Variants in NOS1 observed in about 807,000 individuals in gnomAD.
NOS1 encodes nitric oxide synthase 1.
NOS1 carries 51 observed loss-of-function variants against 164.5 expected under a neutral mutation model. The ratio of observed to expected loss-of-function variants is 0.31; its 90% confidence interval spans 0.25 to 0.39. NOS1 has a LOEUF of 0.39. NOS1 is among the 10% of genes least tolerant of loss of function. The pLI, the probability that NOS1 is intolerant of heterozygous loss-of-function variation, is 1.00. For synonymous variants in NOS1, 719 were observed against 745.8 expected, an observed-to-expected ratio of 0.96 and a Z score of 0.59; for missense variants, 1,362 against 1,885.6, an observed-to-expected ratio of 0.72 and a Z score of 5.14.
rs1334559785 is a variant in NOS1, at chr12:117,330,192, AGG to A, written c.725+151_725+152del. ...TGAATGTAATTTTAAGTGAAGATCA[AGG>A]GGGCCGTCAAGTGGTTATGCAAAAA... On this transcript the variant is annotated intron_variant, in intron 2 of 28. Coordinates refer to ENST00000317775, the MANE Select transcript of NOS1 (RefSeq NM_000620.5). The surrounding 1 kb of genome is among the most constrained non-coding windows in gnomAD (Gnocchi z 4.6). Among the ~76,000 whole-genome samples the A allele has an allele frequency of 6.6e-6, 1 of 151,856 alleles. No individual in the cohort carries two copies. The highest frequency in any genetic ancestry group is 1.5e-5 in the Non-Finnish European group (1 of 67,950).
chr12:117,313,270 T>C (rs1001213066), intron 2 of NOS1, among the ~76,000 whole-genome samples: 1 of 152,196 alleles, frequency 6.6e-6, no homozygotes, highest in Non-Finnish European at 1.5e-5. Flanking sequence ...TGATGGTGGA[T>C]TCAAACCCAG....
At chr12:117,347,543 C>T (rs1876411519) in intron 1 of NOS1, among the ~76,000 whole-genome samples, 1 of 152,140 alleles carries the variant, frequency 6.6e-6, no homozygotes, top group African/African-American at 2.4e-5. Context: ...AAGTATTTCA[C>T]TATAGGCCTT....
chr12:117,318,810 G>A (rs1874783268), intron 2 of NOS1, among the ~76,000 whole-genome samples: 1 of 152,208 alleles, frequency 6.6e-6, no homozygotes, highest in South Asian at 2.1e-4. Context: ...AGCAGCTGGT[G>A]CTGGCAGGAG....
chr12:117,295,421 A>T (rs529344596), intron 3 of NOS1, among the ~76,000 whole-genome samples: 225 of 152,294 alleles, frequency 1.5e-3, no homozygotes, highest in African/African-American at 5.0e-3. Flanking sequence ...GGCAGCTTTG[A>T]CATGACAATG....
At chr12:117,309,322 A>G in intron 3 of NOS1, 1 of 985,178 alleles carries the variant, frequency 1.0e-6, no homozygotes, top group Non-Finnish European at 1.2e-6. Context: ...CCTACCACAG[A>G]ATCCCTGATG....
intron 27 of NOS1, among the ~76,000 whole-genome samples, chr12:117,218,872 A>T (rs548972195): frequency 6.6e-6 from 1 of 152,250 alleles, no homozygotes; most frequent in East Asian, 1.9e-4. Context: ...CTCAATGCTG[A>T]AGAAGGGCAG....
intron 3 of NOS1, among the ~76,000 whole-genome samples, chr12:117,308,343 C>T (rs7306231): frequency 0.015 from 2,262 of 152,022 alleles, 52 homozygotes; most frequent in African/African-American, 0.051. Flanking sequence ...CCCGTTTCTA[C>T]AAAAAAATAT....
intron 2 of NOS1, among the ~76,000 whole-genome samples, chr12:117,321,527 C>T (rs148089616): frequency 6.6e-6 from 1 of 152,178 alleles, no homozygotes; most frequent in African/African-American, 2.4e-5. Flanking sequence ...TGGGTACCCA[C>T]CTGGCAAGAC....
chr12:117,247,580 T>A, intron 17 of NOS1, 58 bp from the exon 18 acceptor site: 1 of 1,489,354 alleles, frequency 6.7e-7, no homozygotes, highest in Non-Finnish European at 9.1e-7. Flanking sequence ...GTGGGGAGTG[T>A]CTGGTGTAAT....
chr12:117,335,748 G>GAGAGAGAGAA (rs1555261710), intron 1 of NOS1, among the ~76,000 whole-genome samples: 3 of 148,456 alleles, frequency 2.0e-5, no homozygotes, highest in Non-Finnish European at 3.0e-5. Context: ...GAGAGAGAGA[G>GAGAGAGAGAA]AGAGAGAGAG....
chr12:117,316,471 G>C (rs1050028209), intron 2 of NOS1, among the ~76,000 whole-genome samples: 4 of 152,102 alleles, frequency 2.6e-5, no homozygotes, highest in Non-Finnish European at 5.9e-5. Flanking sequence ...CCTCTGCTGA[G>C]AGCCAACTCC....
At chr12:117,271,216 C>T (rs954278144) in intron 10 of NOS1, among the ~76,000 whole-genome samples, 2 of 152,076 alleles carry the variant, frequency 1.3e-5, no homozygotes, top group Non-Finnish European at 2.9e-5. Flanking sequence ...CCCCAGATAC[C>T]CTCCGATGTG....
chr12:117,312,237 T>A (rs1375251877), intron 2 of NOS1, among the ~76,000 whole-genome samples: 1 of 152,214 alleles, frequency 6.6e-6, no homozygotes, highest in Non-Finnish European at 1.5e-5. Flanking sequence ...TAAAAAATAT[T>A]ATTTTATCTA....
chr12:117,255,232 A>G (rs2650163), intron 16 of NOS1, among the ~76,000 whole-genome samples: 36,883 of 152,092 alleles, frequency 0.24, 7,918 homozygotes, highest in African/African-American at 0.58. Flanking sequence ...TCCTCCAAAA[A>G]TGGTAAGTTG....
chr12:117,270,663 T>A (rs1333390141), intron 10 of NOS1, among the ~76,000 whole-genome samples: 1 of 151,950 alleles, frequency 6.6e-6, no homozygotes, highest in Non-Finnish European at 1.5e-5. Context: ...TTAAAAAAAA[T>A]CCCCAAGTGC....
At chr12:117,226,971 T>C (rs561511218) in intron 23 of NOS1, among the ~76,000 whole-genome samples, 27 of 152,154 alleles carry the variant, frequency 1.8e-4, no homozygotes, top group African/African-American at 6.0e-4. Context: ...CAGGGTTCTA[T>C]TGGGTAGGGG....
chr12:117,336,459 A>G (rs1875826481), intron 1 of NOS1, among the ~76,000 whole-genome samples: 2 of 152,162 alleles, frequency 1.3e-5, no homozygotes, highest in East Asian at 1.9e-4. Context: ...CTTGACACAC[A>G]TGGCCATTGA....
chr12:117,315,045 T>C (rs1251355240), intron 2 of NOS1, among the ~76,000 whole-genome samples: 4 of 152,338 alleles, frequency 2.6e-5, no homozygotes, highest in South Asian at 2.1e-4. Flanking sequence ...AATGATCACA[T>C]GGTTCATCTT....
At chr12:117,334,738 C>T (rs568989971) in intron 1 of NOS1, among the ~76,000 whole-genome samples, 1 of 152,316 alleles carries the variant, frequency 6.6e-6, no homozygotes, top group Admixed American at 6.5e-5. Flanking sequence ...CTTTCTCTGC[C>T]TCCTTTTCCT....
Sources: allele counts gnomAD v4.1 joint callset (sites outside exome capture counted in the v4.1 genomes callset), GRCh38; gene constraint gnomAD v4.1.1; non-coding constraint Gnocchi (gnomAD v3.1); transcripts MANE v1.5; gene names NCBI Gene and HGNC (gene_info 2026-07-23, HGNC 2026-07-21).